The following SCHIP1 variants were observed in gnomAD, a reference collection of about 807,000 sequenced individuals.
The protein encoded by SCHIP1 is schwannomin interacting protein 1.
Under a neutral mutation model 29.7 loss-of-function variants are expected in SCHIP1, and 8 were observed. The observed-to-expected ratio is 0.27, with a 90% CI of 0.16 to 0.49. The LOEUF (loss-of-function observed/expected upper bound fraction) is 0.49, where lower values mean the gene tolerates loss of function less well. Among genes scored for constraint, SCHIP1 ranks in the 20% least tolerant of loss-of-function variants. The pLI is 0.99. For synonymous variants in SCHIP1, 76 were observed against 94.9 expected, an observed-to-expected ratio of 0.80 and a Z score of 1.16; for missense variants, 193 against 294.6, an observed-to-expected ratio of 0.66 and a Z score of 2.52.
the SCHIP1 span, among the ~76,000 whole-genome samples, chr3:159,464,949 T>G: frequency 5.3e-5 from 8 of 152,054 alleles, no homozygotes; most frequent in African/African-American, 1.9e-4. Flanking sequence ...GATATAAGGG[T>G]CTGGATCTCG....
At chr3:159,840,154 C>T in exon 1 of SCHIP1, 1 of 1,535,208 alleles carries the variant, frequency 6.5e-7, no homozygotes, top group Non-Finnish European at 8.7e-7. Flanking sequence ...AGCAGTCCTG[C>T]GTTGGGGTCT....
At chr3:159,533,020 A>G in the SCHIP1 span, among the ~76,000 whole-genome samples, 1 of 152,234 alleles carries the variant, frequency 6.6e-6, no homozygotes, top group Non-Finnish European at 1.5e-5. Context: ...CATTAACTAC[A>G]TTACTAGTTA....
At chr3:159,528,195 T>A in the SCHIP1 span, among the ~76,000 whole-genome samples, 1 of 152,214 alleles carries the variant, frequency 6.6e-6, no homozygotes, top group Admixed American at 6.5e-5. Context: ...AAAGAACACC[T>A]GGGTAACTTT....
chr3:159,817,610 T>C, the SCHIP1 span, among the ~76,000 whole-genome samples: 1 of 152,214 alleles, frequency 6.6e-6, no homozygotes, highest in South Asian at 2.1e-4. Flanking sequence ...CTTCTACTAA[T>C]TAGATTAGAT....
At chr3:159,475,244 A>G in the SCHIP1 span, among the ~76,000 whole-genome samples, 1 of 152,342 alleles carries the variant, frequency 6.6e-6, no homozygotes, top group South Asian at 2.1e-4. Context: ...ATTCAGCCAT[A>G]AAACAGGAAT....
chr3:159,388,035 T>C, the SCHIP1 span, among the ~76,000 whole-genome samples: 3 of 152,182 alleles, frequency 2.0e-5, no homozygotes, highest in Non-Finnish European at 2.9e-5. Flanking sequence ...TAATTTCCGC[T>C]AGGCTTGAAG....
chr3:159,778,782 G>A, the SCHIP1 span, among the ~76,000 whole-genome samples: 4 of 152,144 alleles, frequency 2.6e-5, no homozygotes, highest in South Asian at 2.1e-4. Flanking sequence ...ATCCCTCCTC[G>A]GTGGAACTCT....
At chr3:159,273,563 G>A in the SCHIP1 span, 1 of 1,243,118 alleles carries the variant, frequency 8.0e-7, no homozygotes, top group Non-Finnish European at 1.0e-6. Flanking sequence ...GCAAAAATCA[G>A]CAAACTTCAT....
the SCHIP1 span, among the ~76,000 whole-genome samples, chr3:159,283,144 A>G: frequency 6.6e-6 from 1 of 152,024 alleles, no homozygotes; most frequent in Admixed American, 6.6e-5. Context: ...TTGAAATTTC[A>G]TATGTTTTAT....
At chr3:159,491,837 G>T in the SCHIP1 span, among the ~76,000 whole-genome samples, 1 of 152,342 alleles carries the variant, frequency 6.6e-6, no homozygotes, top group African/African-American at 2.4e-5. Context: ...TAGCCTAACT[G>T]GGAGGCACCC....
At chr3:159,803,303 T>C in the SCHIP1 span, among the ~76,000 whole-genome samples, 4 of 152,128 alleles carry the variant, frequency 2.6e-5, no homozygotes, top group South Asian at 2.1e-4. Flanking sequence ...GAGTTAACCA[T>C]GCAACATAGA....
the SCHIP1 span, among the ~76,000 whole-genome samples, chr3:159,671,803 A>T: frequency 6.6e-6 from 1 of 152,028 alleles, no homozygotes; most frequent in African/African-American, 2.4e-5. Context: ...CACTTTCAAA[A>T]CCCTTGGCGT....
At chr3:159,634,132 C>T in the SCHIP1 span, among the ~76,000 whole-genome samples, 1 of 151,782 alleles carries the variant, frequency 6.6e-6, no homozygotes, top group Non-Finnish European at 1.5e-5. Context: ...AGCTTAGTAA[C>T]AGAAAATAAA....
At chr3:159,287,822 A>G in the SCHIP1 span, among the ~76,000 whole-genome samples, 1 of 152,218 alleles carries the variant, frequency 6.6e-6, no homozygotes, top group Admixed American at 6.5e-5. Flanking sequence ...CTGGATCTTA[A>G]CTTCCATGCT....
chr3:159,773,942 G>T, the SCHIP1 span, among the ~76,000 whole-genome samples: 6 of 152,202 alleles, frequency 3.9e-5, no homozygotes, highest in Admixed American at 2.6e-4. Context: ...CCATAAAATA[G>T]TCTAGATTAA....
the SCHIP1 span, among the ~76,000 whole-genome samples, chr3:159,708,548 G>A: frequency 6.6e-6 from 1 of 152,174 alleles, no homozygotes; most frequent in South Asian, 2.1e-4. Context: ...TAAACCAGGG[G>A]CAGATGTTTT....
At chr3:159,273,849 C>T in the SCHIP1 span, 272 of 1,613,370 alleles carry the variant, frequency 1.7e-4, no homozygotes, top group Non-Finnish European at 2.2e-4. Context: ...CGTGTTACAA[C>T]GTGGGACTGT....
the SCHIP1 span, among the ~76,000 whole-genome samples, chr3:159,394,342 C>A: frequency 1.3e-5 from 2 of 152,138 alleles, no homozygotes; most frequent in African/African-American, 4.8e-5. Context: ...CCAGAACTTC[C>A]AACACTATGT....
chr3:159,529,831 C>A, the SCHIP1 span, among the ~76,000 whole-genome samples: 3 of 152,084 alleles, frequency 2.0e-5, no homozygotes, highest in African/African-American at 7.2e-5. Context: ...GTTTTAGATC[C>A]TACATATGAG....
Sources: allele counts gnomAD v4.1 joint callset (sites outside exome capture counted in the v4.1 genomes callset), GRCh38; gene constraint gnomAD v4.1.1; transcripts MANE v1.5; gene names NCBI Gene and HGNC (gene_info 2026-07-23, HGNC 2026-07-21).